Variants in OSBPL1A observed in about 807,000 individuals in gnomAD.
OSBPL1A encodes oxysterol binding protein like 1A.
In OSBPL1A, 80 loss-of-function variants were observed where a neutral mutation model predicts 137.1. That is an observed-to-expected ratio of 0.58 (90% CI 0.49 to 0.70). OSBPL1A has a LOEUF of 0.70. Ranked by LOEUF, OSBPL1A falls within the 30% of genes least tolerant of loss-of-function variation. The pLI, the probability that OSBPL1A is intolerant of heterozygous loss-of-function variation, is 0.00. For synonymous variants in OSBPL1A, 365 were observed against 389.7 expected, an observed-to-expected ratio of 0.94 and a Z score of 0.75; for missense variants, 970 against 1,129.4, an observed-to-expected ratio of 0.86 and a Z score of 2.02.
chr18:24,312,098 C>T lies in OSBPL1A; in HGVS notation c.978G>A (p.Leu326=), dbSNP rs1174415567. The T allele has an allele frequency of 2.5e-6, 4 of 1,613,598 alleles. No individual in the cohort carries two copies. In the East Asian group the frequency reaches 8.9e-5, roughly 36 times the overall value. Residue 326 remains leucine, a synonymous_variant, in exon 13 of 28, where the codon CTG becomes CTA. Transcript: ENST00000319481. ...AAGCAGAATGTTCTTCTATTGCTTC[C>T]AGCCAGTCCTGAAATCATGCAAGAA... is the stretch of plus-strand genomic sequence containing the variant. ...NSLQQSREDW[L]EAIEEHSAYS... is the part of the protein sequence containing the mutation.
intron 17 of OSBPL1A, among the ~76,000 whole-genome samples, chr18:24,224,191 A>G (rs1267499332): frequency 1.3e-5 from 2 of 152,186 alleles, no homozygotes; most frequent in East Asian, 1.9e-4. Flanking sequence ...AAGCCAGAGA[A>G]GTGATGCACA....
At chr18:24,334,355 C>A (rs2091134729) in intron 5 of OSBPL1A, 25 bp from the exon 6 acceptor site, 1 of 1,556,906 alleles carries the variant, frequency 6.4e-7, no homozygotes. Context: ...TACTTATTAT[C>A]CACTGCTAGT....
At chr18:24,186,678 G>C (rs183551671) in intron 18 of OSBPL1A, among the ~76,000 whole-genome samples, 16 of 152,124 alleles carry the variant, frequency 1.1e-4, no homozygotes, top group African/African-American at 3.4e-4. Flanking sequence ...AGACAAGGTG[G>C]GTGGATCACG....
Position 24,178,027 on chromosome 18 carries a change from G to A in OSBPL1A, c.2079C>T (p.Thr693=), listed in dbSNP as rs1412692075. 1.2e-6 allele frequency: 2 copies of A among 1,613,752 alleles called. No individual in the cohort carries two copies. Among genetic ancestry groups the A allele is most frequent in the South Asian group, 1.1e-5 (1 of 91,072 alleles). The change falls in exon 21 of 28, where the codon ACC becomes ACT. Residue 693 remains threonine (T), a synonymous_variant. Transcript: ENST00000319481. ...TCAGAACTCACTCAAGGAGCTCCAA[G>A]GTGATGGTTCCTTTGGGTTCTGCTT... is the stretch of plus-strand genomic sequence containing the variant. The part of the protein sequence containing the change: ...SVEAEPKGTI[T]LELLEHNEAY...
At chr18:24,209,619 G>GA (rs1334168195) in intron 17 of OSBPL1A, among the ~76,000 whole-genome samples, 4 of 151,434 alleles carry the variant, frequency 2.6e-5, no homozygotes, top group Admixed American at 6.6e-5. Context: ...CTCCAAACTG[G>GA]AAAAAAAACA....
rs891547799 is a variant in OSBPL1A at position 24,353,451 on chromosome 18, C to G, written c.283-11793G>C. 4.6e-5 allele frequency among the ~76,000 whole-genome samples: 7 copies of G among 151,950 alleles called. No individual in the cohort carries two copies. In the East Asian group the frequency reaches 1.2e-3, roughly 25 times the overall value. On this transcript the variant is annotated intron_variant, in intron 4 of 27. Transcript: ENST00000319481. Reference sequence around the variant, plus strand: ...TGGAGAGGATGTGGAGAAATAGGAACACTTTTACACTGTTGGTGGGACTGT... The same window carrying G: ...TGGAGAGGATGTGGAGAAATAGGAAGACTTTTACACTGTTGGTGGGACTGT...
intron 2 of OSBPL1A, among the ~76,000 whole-genome samples, chr18:24,374,988 G>A (rs61382090): frequency 0.17 from 25,152 of 152,008 alleles, 3,223 homozygotes; most frequent in East Asian, 0.53. Flanking sequence ...AAACACAGGG[G>A]AAGGGAGATC....
At chr18:24,295,603 A>T (rs1389136379) in intron 14 of OSBPL1A, among the ~76,000 whole-genome samples, 1 of 152,204 alleles carries the variant, frequency 6.6e-6, no homozygotes, top group Non-Finnish European at 1.5e-5. Flanking sequence ...ATGGGGATCC[A>T]GTTTCATTCT....
At chr18:24,386,276 C>G (rs1281062678) in intron 1 of OSBPL1A, among the ~76,000 whole-genome samples, 1 of 152,158 alleles carries the variant, frequency 6.6e-6, no homozygotes, top group African/African-American at 2.4e-5. Flanking sequence ...ATCAACAACT[C>G]ACGTTGCCTT....
intron 18 of OSBPL1A, among the ~76,000 whole-genome samples, chr18:24,193,838 T>C (rs2086955535): frequency 6.6e-6 from 1 of 152,268 alleles, no homozygotes; most frequent in Non-Finnish European, 1.5e-5. Context: ...AACAGCTCTA[T>C]GTTTATTTGT....
chr18:24,186,314 T>C (rs1043688939), intron 18 of OSBPL1A, among the ~76,000 whole-genome samples: 14 of 152,326 alleles, frequency 9.2e-5, no homozygotes, highest in African/African-American at 3.1e-4. Flanking sequence ...ACTGTGGTAA[T>C]AGTGATATTT....
intron 14 of OSBPL1A, among the ~76,000 whole-genome samples, chr18:24,288,383 T>C (rs2090109014): frequency 6.6e-6 from 1 of 152,244 alleles, no homozygotes; most frequent in African/African-American, 2.4e-5. Context: ...CACTGAATGC[T>C]TCTGTTAAGG....
In OSBPL1A at chr18:24,384,831, G is replaced by A. The variant is rs540670441; in HGVS notation, c.-2-7296C>T. Reference sequence around the variant, plus strand: ...AGAGGTTGCAGTGAGCCGAGAACGCGCCATTGCACCCCAGCCTCGGCGACA... The same window carrying A: ...AGAGGTTGCAGTGAGCCGAGAACGCACCATTGCACCCCAGCCTCGGCGACA... On this transcript the variant is annotated intron_variant, in intron 1 of 27. Transcript: ENST00000319481. Among the ~76,000 whole-genome samples, 112 of 149,868 alleles carry A rather than the reference G, an allele frequency of 7.5e-4. 1 individual carries two copies. The highest frequency in any genetic ancestry group is 2.0e-3 in the African/African-American group (80 of 40,654).
intron 14 of OSBPL1A, among the ~76,000 whole-genome samples, chr18:24,300,655 G>T (rs2090382279): frequency 6.6e-6 from 1 of 152,232 alleles, no homozygotes; most frequent in South Asian, 2.1e-4. Flanking sequence ...AGAAGGAAGT[G>T]ATCTGGGTCT....
At position 24,181,192 on chromosome 18, in the gene OSBPL1A, G is replaced by T. The variant is rs778213606; in HGVS notation, c.1765C>A (p.Leu589Ile). Residue 589 changes from leucine (L) to isoleucine (I), a missense_variant, in exon 19 of 28, where the codon CTC (leucine) becomes ATC (isoleucine). Leu to Ile is a conservative substitution (Grantham distance 5). Transcript: ENST00000319481. ...GAGAGTGAACTGGCCTTGTGGATGA[G>T]GTAAGTATGCTCCATGTATTCAGTT... Reference protein sequence around the residue: ...RLTEYMEHTYLIHKASSLSDP... With the variant: ...RLTEYMEHTYIIHKASSLSDP... 9 of 1,614,002 alleles carry T rather than the reference G, an allele frequency of 5.6e-6. No individual in the cohort carries two copies. The highest frequency in any genetic ancestry group is 7.6e-6 in the Non-Finnish European group (9 of 1,180,006).
At chr18:24,200,601 G>A (rs557750950) in intron 17 of OSBPL1A, among the ~76,000 whole-genome samples, 1 of 150,980 alleles carries the variant, frequency 6.6e-6, no homozygotes, top group Non-Finnish European at 1.5e-5. Context: ...CAGTTTCTCA[G>A]TCGTACTACC....
chr18:24,301,885 AT>A (rs1166357741), intron 14 of OSBPL1A, among the ~76,000 whole-genome samples: 1 of 152,230 alleles, frequency 6.6e-6, no homozygotes, highest in African/African-American at 2.4e-5. Flanking sequence ...CTCTGGAAAT[AT>A]AGAAACTGAA....
intron 2 of OSBPL1A, among the ~76,000 whole-genome samples, chr18:24,375,050 C>A (rs1207455180): frequency 2.6e-5 from 4 of 152,078 alleles, no homozygotes; most frequent in Non-Finnish European, 5.9e-5. Flanking sequence ...TGCAATGGAT[C>A]ACACCTGTAA....
At chr18:24,212,423 T>C (rs1041107787) in intron 17 of OSBPL1A, among the ~76,000 whole-genome samples, 2 of 152,144 alleles carry the variant, frequency 1.3e-5, no homozygotes, top group African/African-American at 4.8e-5. Context: ...ATAAATAAGA[T>C]AGTCTGAAAC....
Sources: allele counts gnomAD v4.1 joint callset (sites outside exome capture counted in the v4.1 genomes callset), GRCh38; gene constraint gnomAD v4.1.1; transcripts MANE v1.5; gene names NCBI Gene and HGNC (gene_info 2026-07-23, HGNC 2026-07-21).